TNS1: variants seen among roughly 807,000 people sequenced by gnomAD.
TNS1 encodes tensin 1.
Under a neutral mutation model 168.6 loss-of-function variants are expected in TNS1, and 62 were observed. That is an observed-to-expected ratio of 0.37 (90% CI 0.30 to 0.45). TNS1 has a LOEUF of 0.45. TNS1 is among the 20% of genes least tolerant of loss of function. The pLI is 1.00. For synonymous variants in TNS1, 934 were observed against 933.2 expected (o/e 1.00, Z -0.02); for missense variants, 2,240 against 2,339.4 (o/e 0.96, Z 0.88).
chr2:217,863,180 C>G (rs112158689), intron 18 of TNS1, among the ~76,000 whole-genome samples: 3 of 152,132 alleles, frequency 2.0e-5, no homozygotes, highest in African/African-American at 7.2e-5. Context: ...TCCAAGCAGC[C>G]GGGTCCCAGA....
chr2:217,975,754 C>T (rs1420253545), intron 3 of TNS1, among the ~76,000 whole-genome samples: 1 of 152,200 alleles, frequency 6.6e-6, no homozygotes, highest in Non-Finnish European at 1.5e-5. Flanking sequence ...GATGGCTCAG[C>T]GAGGCTCCAG....
At position 217,992,207 on chromosome 2, in the gene TNS1, T is replaced by C. The variant is rs552963355; in HGVS notation, c.34-1151A>G. Among the ~76,000 whole-genome samples, 5 of 152,196 alleles carry C rather than the reference T, an allele frequency of 3.3e-5. No homozygotes were observed. In the South Asian group the frequency reaches 1.0e-3, roughly 32 times the overall value. The stretch of plus-strand genomic sequence containing the variant: ...CACCCTGGGGTCTAACCTGATTCCC[T>C]TCCCAGCTGTAGCAGGAGGGGGCAA... On this transcript the variant is annotated intron_variant, in intron 1 of 32. Coordinates refer to ENST00000682258, the MANE Select transcript of TNS1 (RefSeq NM_001387777.1).
intron 6 of TNS1, chr2:217,903,843 G>A: frequency 4.1e-6 from 2 of 493,744 alleles, no homozygotes; most frequent in African/African-American, 2.0e-5. Context: ...TCTGTTATCT[G>A]CTGCCTTCTT....
At chr2:217,861,266 C>T in intron 18 of TNS1, among the ~76,000 whole-genome samples, 1 of 152,178 alleles carries the variant, frequency 6.6e-6, no homozygotes, top group Non-Finnish European at 1.5e-5. Flanking sequence ...AAGCCAATCG[C>T]CCCCTCGCTA....
At chr2:217,837,903 C>A (rs144970019) in intron 19 of TNS1, among the ~76,000 whole-genome samples, 4 of 152,324 alleles carry the variant, frequency 2.6e-5, no homozygotes, top group African/African-American at 9.6e-5. Context: ...TGCAGCAACC[C>A]CAGGCTCCCA....
In TNS1 at chr2:217,804,597, G is replaced by A. The variant is rs371703783; in HGVS notation, c.5382C>T (p.Phe1794=). 3.5e-5 allele frequency: 57 copies of A among 1,613,914 alleles called. No individual in the cohort carries two copies. Among genetic ancestry groups the A allele is most frequent in the Admixed American group, 5.0e-5 (3 of 59,998 alleles). Residue 1794 remains phenylalanine, a synonymous_variant, in exon 33 of 33, where the codon TTC becomes TTT. Transcript: ENST00000682258. The stretch of plus-strand genomic sequence containing the variant: ...TGCCCTGCTTCCGGGCCACGAAGCC[G>A]AAGAGCCTGCAGGCGGGAGAGGGCA... The part of the protein sequence containing the change: ...KTEGGAPAKL[F]GFVARKQGST...
intron 27 of TNS1, among the ~76,000 whole-genome samples, chr2:217,812,998 C>A (rs1486219207): frequency 1.3e-5 from 2 of 152,214 alleles, no homozygotes; most frequent in African/African-American, 4.8e-5. Flanking sequence ...GATAACAAGT[C>A]CCAGCTGGGT....
At chr2:217,911,993 C>T (rs569483368) in intron 4 of TNS1, among the ~76,000 whole-genome samples, 80 of 152,308 alleles carry the variant, frequency 5.3e-4, no homozygotes, top group Non-Finnish European at 4.4e-4. Flanking sequence ...TTCGAGGGGT[C>T]GGGAACCACA....
At chr2:217,849,221 T>C in intron 18 of TNS1, 134 bp from the exon 19 acceptor site, 1 of 1,085,742 alleles carries the variant, frequency 9.2e-7, no homozygotes, top group South Asian at 1.6e-5. Context: ...CTCACCACCC[T>C]GAGGTGGGGA....
chr2:217,994,745 C>T lies in TNS1; in HGVS notation c.34-3689G>A, dbSNP rs370865393. Among the ~76,000 whole-genome samples the T allele has an allele frequency of 3.0e-4, 45 of 152,310 alleles. 1 individual carries two copies. Among genetic ancestry groups the T allele is most frequent in the African/African-American group, 1.1e-3 (45 of 41,570 alleles). ...GAAATCTGAGTTTACAAAATATTTCCCCCCTGGGGCCTGGAGGGCAGGGAC... is the reference window on the plus strand; with the variant it reads ...GAAATCTGAGTTTACAAAATATTTCTCCCCTGGGGCCTGGAGGGCAGGGAC... On this transcript the variant is annotated intron_variant, in intron 1 of 32. Transcript: ENST00000682258.
intron 3 of TNS1, among the ~76,000 whole-genome samples, chr2:217,964,721 T>C (rs987992385): frequency 2.0e-5 from 3 of 152,102 alleles, no homozygotes; most frequent in African/African-American, 7.2e-5. Flanking sequence ...CGAGTGACCT[T>C]CCTCCCCTGC....
intron 1 of TNS1, among the ~76,000 whole-genome samples, chr2:218,017,724 T>C (rs1273204769): frequency 6.6e-6 from 1 of 152,264 alleles, no homozygotes; most frequent in Non-Finnish European, 1.5e-5. Context: ...CCTAACCTCA[T>C]GGAGTAATCG....
At chr2:217,882,783 C>T (rs375350830) in intron 16 of TNS1, among the ~76,000 whole-genome samples, 8 of 151,910 alleles carry the variant, frequency 5.3e-5, no homozygotes, top group Non-Finnish European at 8.8e-5. Flanking sequence ...CTCGCTCTGT[C>T]GCCCAGCCTG....
chr2:217,888,158 T>C (rs1047531185), intron 12 of TNS1, among the ~76,000 whole-genome samples: 1 of 152,200 alleles, frequency 6.6e-6, no homozygotes, highest in Non-Finnish European at 1.5e-5. Flanking sequence ...GCCGGAAACC[T>C]GGAATAGCGG....
At chr2:217,841,231 G>C in intron 19 of TNS1, 1 of 985,168 alleles carries the variant, frequency 1.0e-6, no homozygotes, top group Non-Finnish European at 1.2e-6. Flanking sequence ...CCGGTGGAGA[G>C]GAGGGGGCGG....
chr2:217,862,546 T>A (rs1420346569), intron 18 of TNS1, among the ~76,000 whole-genome samples: 1 of 152,224 alleles, frequency 6.6e-6, no homozygotes, highest in Non-Finnish European at 1.5e-5. Flanking sequence ...ATTTGCCACA[T>A]GGCACCGCAC....
At chr2:217,927,690 A>G (rs1956104071) in intron 3 of TNS1, among the ~76,000 whole-genome samples, 1 of 152,144 alleles carries the variant, frequency 6.6e-6, no homozygotes. Flanking sequence ...AACAAAACAC[A>G]CATTTGCAGT....
chr2:217,843,842 C>G (rs1006027663), intron 19 of TNS1, among the ~76,000 whole-genome samples: 1 of 152,180 alleles, frequency 6.6e-6, no homozygotes, highest in Non-Finnish European at 1.5e-5. Flanking sequence ...AGCCCTCTGA[C>G]ATTGAGATCT....
intron 3 of TNS1, among the ~76,000 whole-genome samples, chr2:217,945,395 A>C (rs760525794): frequency 7.2e-5 from 11 of 152,160 alleles, no homozygotes; most frequent in Admixed American, 2.0e-4. Flanking sequence ...GATGGCCAGT[A>C]CTTTGGAGGG....
Sources: allele counts gnomAD v4.1 joint callset (sites outside exome capture counted in the v4.1 genomes callset), GRCh38; gene constraint gnomAD v4.1.1; transcripts MANE v1.5; gene names NCBI Gene and HGNC (gene_info 2026-07-23, HGNC 2026-07-21).